The following NPFFR1 variants were observed in gnomAD, a reference collection of about 807,000 sequenced individuals.
NPFFR1 encodes neuropeptide FF receptor 1.
In NPFFR1, 17 loss-of-function variants were observed where a neutral mutation model predicts 12.7. That is an observed-to-expected ratio of 1.34 (90% CI 0.92 to 2.01). NPFFR1 has a LOEUF of 2.01. Ranked by LOEUF, NPFFR1 falls within the 30% of genes most tolerant of loss-of-function variation. The pLI, the probability that NPFFR1 is intolerant of heterozygous loss-of-function variation, is 0.00. For synonymous variants in NPFFR1, 296 were observed against 264.5 expected (o/e 1.12, Z -1.16); for missense variants, 604 against 606.5 (o/e 1.00, Z 0.04).
Position 70,266,402 on chromosome 10 carries a change from A to T in NPFFR1, c.8-11T>A. Reference sequence around the variant, plus strand: ...GCTGGGAGGGCTCCCCTAGGACCAAAGGAATATATTGGTCAGGACCTTAGG... The same window carrying T: ...GCTGGGAGGGCTCCCCTAGGACCAATGGAATATATTGGTCAGGACCTTAGG... On this transcript the variant is annotated splice_polypyrimidine_tract_variant and intron_variant, in intron 1 of 3. Coordinates refer to ENST00000277942, the MANE Select transcript of NPFFR1 (RefSeq NM_022146.5). 2 of 1,602,292 alleles carry T rather than the reference A, an allele frequency of 1.2e-6. No individual in the cohort carries two copies. The highest frequency in any genetic ancestry group is 8.5e-7 in the Non-Finnish European group (1 of 1,172,540).
intron 1 of NPFFR1, among the ~76,000 whole-genome samples, chr10:70,278,329 GAAGAATA>G (rs1380186100): frequency 7.2e-6 from 1 of 138,784 alleles, no homozygotes; most frequent in African/African-American, 2.8e-5. Context: ...TAACTTTCCT[GAAGAATA>G]AAAGCCAGAT....
At chr10:70,256,236 C>T (rs971340343) in intron 3 of NPFFR1, among the ~76,000 whole-genome samples, 1 of 152,106 alleles carries the variant, frequency 6.6e-6, no homozygotes, top group Non-Finnish European at 1.5e-5. Flanking sequence ...GCGCTGCCAC[C>T]TCGCCGGCTA....
In NPFFR1 at chr10:70,255,884, G is replaced by A. The variant is rs375383639; in HGVS notation, c.423-57C>T. 144 of 1,523,812 alleles carry A rather than the reference G, an allele frequency of 9.4e-5. 1 individual carries two copies. The East Asian group carries it at 1.2e-3, about 12-fold the overall frequency. The allele number at this position is 1,523,812 out of a possible 1,614,324, so 94.4% of individuals were successfully genotyped here. On this transcript the variant is annotated intron_variant, in intron 3 of 3. Transcript: ENST00000277942. This position sits in a 1 kb window ranked among gnomAD's most constrained non-coding sequence, Gnocchi z 4.2. Reference sequence around the variant, plus strand: ...GGTGGGTCCTAGGGCCCCTGCGAGGGGACGGTGGGTGGGATGCGGGCACCT... The same window carrying A: ...GGTGGGTCCTAGGGCCCCTGCGAGGAGACGGTGGGTGGGATGCGGGCACCT...
chr10:70,271,623 A>G (rs796407968), intron 1 of NPFFR1, among the ~76,000 whole-genome samples: 1 of 152,112 alleles, frequency 6.6e-6, no homozygotes, highest in South Asian at 2.1e-4. Context: ...CAGACTCCTT[A>G]TTGGTAAAAT....
chr10:70,248,125 C>T lies in NPFFR1; in HGVS notation c.*6832G>A, dbSNP rs556519546. On this transcript the variant is annotated 3_prime_UTR_variant, in exon 4 of 4. Transcript: ENST00000277942. The stretch of plus-strand genomic sequence containing the variant: ...TCCCAGATGTAGGAAGGAGAGACCA[C>T]AGCAGCTTGGGGAATGGCAAAAACC... The T allele has an allele frequency of 1.3e-5, 2 of 152,280 alleles. No individual in the cohort carries two copies. The highest frequency in any genetic ancestry group is 2.1e-4 in the South Asian group (1 of 4,824). 9.4% of individuals were successfully genotyped at this position (152,280 alleles called of 1,614,324 possible). A position where few individuals can be genotyped will look rare whatever the true frequency, so the allele number is the denominator to read the frequency against.
rs929750499 is a variant in NPFFR1, at chr10:70,248,091, A to C, written c.*6866T>G. ...ATCAAGGCTCTTTCTTTTACTCTGA[A>C]CCTCAGTTTCCCAGATGTAGGAAGG... On this transcript the variant is annotated 3_prime_UTR_variant, in exon 4 of 4. Coordinates refer to ENST00000277942, the MANE Select transcript of NPFFR1 (RefSeq NM_022146.5). 17 of 152,004 alleles carry C rather than the reference A, an allele frequency of 1.1e-4. No individual in the cohort carries two copies. The highest frequency in any genetic ancestry group is 1.5e-5 in the Non-Finnish European group (1 of 67,982). The allele number at this position is 152,004 out of a possible 1,614,324, so 9.4% of individuals were successfully genotyped here.
intron 1 of NPFFR1, among the ~76,000 whole-genome samples, chr10:70,268,154 T>C (rs1449940403): frequency 1.3e-5 from 2 of 152,032 alleles, no homozygotes; most frequent in Non-Finnish European, 2.9e-5. Flanking sequence ...AGGCCTGGAG[T>C]TGTTTCATCC....
Position 70,255,181 on chromosome 10 carries a change from T to G in NPFFR1, c.1069A>C (p.Lys357Gln). ...RLCPRPSGSH[K>Q]EAYSERPGGL... Reference sequence around the variant, plus strand: ...CCGGGCCGCTCGGAGTAGGCCTCCTTGTGGCTCCCCGACGGGCGCGGGCAG... The same window carrying G: ...CCGGGCCGCTCGGAGTAGGCCTCCTGGTGGCTCCCCGACGGGCGCGGGCAG... Residue 357 changes from lysine (K) to glutamine (Q), a missense_variant, in exon 4 of 4, where the codon AAG (lysine) becomes CAG (glutamine). Physicochemically the swap from Lys to Gln is moderately conservative, Grantham distance 53 (BLOSUM62 1). Coordinates refer to ENST00000277942, the MANE Select transcript of NPFFR1 (RefSeq NM_022146.5). The surrounding 1 kb of genome is among the most constrained non-coding windows in gnomAD (Gnocchi z 4.2). 6.5e-7 allele frequency: 1 copy of G among 1,548,610 alleles called. No homozygotes were observed. Among genetic ancestry groups the G allele is most frequent in the Non-Finnish European group, 8.7e-7 (1 of 1,149,524 alleles).
intron 1 of NPFFR1, among the ~76,000 whole-genome samples, chr10:70,271,744 G>A (rs1272079755): frequency 6.6e-6 from 1 of 152,114 alleles, no homozygotes; most frequent in Non-Finnish European, 1.5e-5. Context: ...GGCAGCAGCA[G>A]CGGGGCTGAT....
rs1411970804 is a variant in NPFFR1 at position 70,250,255 on chromosome 10, G to A, written c.*4702C>T. On this transcript the variant is annotated 3_prime_UTR_variant, in exon 4 of 4. Transcript: ENST00000277942. The stretch of plus-strand genomic sequence containing the variant: ...AATACTGCTAAGTGTTGGCCAGGAT[G>A]TAGAACAACTGGAACATTCATACAC... The A allele has an allele frequency of 6.6e-6, 1 of 152,224 alleles. No homozygotes were observed. The highest frequency in any genetic ancestry group is 1.5e-5 in the Non-Finnish European group (1 of 68,050). 9.4% of individuals were successfully genotyped at this position (152,224 alleles called of 1,614,324 possible).
intron 2 of NPFFR1, among the ~76,000 whole-genome samples, chr10:70,264,095 C>T (rs571065189): frequency 2.0e-5 from 3 of 146,724 alleles, no homozygotes; most frequent in Non-Finnish European, 4.5e-5. Context: ...AAAAAAGAGG[C>T]CGGTGTGGTG....
chr10:70,283,553 G>T (rs1421626396), intron 1 of NPFFR1, 117 bp downstream of exon 1: 1 of 1,020,010 alleles, frequency 9.8e-7, no homozygotes, highest in Non-Finnish European at 1.5e-6. Flanking sequence ...GTGTCACAAC[G>T]TCTGGCTCTG....
intron 3 of NPFFR1, among the ~76,000 whole-genome samples, chr10:70,256,578 A>T (rs1433247504): frequency 6.6e-6 from 1 of 152,258 alleles, no homozygotes; most frequent in Non-Finnish European, 1.5e-5. Context: ...CCATAGTATC[A>T]GTATCTCTAC....
intron 1 of NPFFR1, among the ~76,000 whole-genome samples, chr10:70,271,558 A>C (rs180772319): frequency 1.3e-3 from 191 of 152,200 alleles, no homozygotes; most frequent in Admixed American, 3.6e-3. Context: ...TAAAACAGAA[A>C]AACAGACATT....
Position 70,251,827 on chromosome 10 carries a change from A to G in NPFFR1, c.*3130T>C, listed in dbSNP as rs1840515170. ...ATCCAGTGAGGATAATAAATCTATA[A>G]TTATAAAATAGCTTCATAAAAACAT... On this transcript the variant is annotated 3_prime_UTR_variant, in exon 4 of 4. Transcript: ENST00000277942. 6.6e-6 allele frequency: 1 copy of G among 152,254 alleles called. No individual in the cohort carries two copies. Among genetic ancestry groups the G allele is most frequent in the Non-Finnish European group, 1.5e-5 (1 of 68,056 alleles). 9.4% of individuals were successfully genotyped at this position (152,254 alleles called of 1,614,324 possible).
At chr10:70,281,041 G>A (rs570003844) in intron 1 of NPFFR1, among the ~76,000 whole-genome samples, 1 of 152,098 alleles carries the variant, frequency 6.6e-6, no homozygotes, top group Non-Finnish European at 1.5e-5. Flanking sequence ...TCTGAGCACC[G>A]CAAAAGAGAG....
intron 1 of NPFFR1, among the ~76,000 whole-genome samples, chr10:70,268,824 C>T (rs780394748): frequency 1.3e-5 from 2 of 152,192 alleles, no homozygotes; most frequent in Non-Finnish European, 2.9e-5. Flanking sequence ...TGCCCAGGTT[C>T]AAGTCAGTGG....
chr10:70,259,022 A>G (rs1298976697), intron 3 of NPFFR1, among the ~76,000 whole-genome samples: 1 of 152,176 alleles, frequency 6.6e-6, no homozygotes, highest in African/African-American at 2.4e-5. Context: ...GCTCCAGAGA[A>G]TAGTGGCTTA....
At chr10:70,264,386 A>G (rs887489055) in intron 2 of NPFFR1, among the ~76,000 whole-genome samples, 3 of 151,386 alleles carry the variant, frequency 2.0e-5, no homozygotes, top group Admixed American at 6.6e-5. Context: ...AAAAAAAAAA[A>G]AAAAGAAAGA....
Sources: gnomAD v4.1 joint callset for allele counts (sites outside exome capture counted in the v4.1 genomes callset) on GRCh38, gnomAD v4.1.1 for gene constraint, Gnocchi (gnomAD v3.1) non-coding constraint, MANE v1.5 for transcripts, NCBI Gene and HGNC (gene_info 2026-07-23, HGNC 2026-07-21) for gene names.